PRKX: variants seen among roughly 807,000 people sequenced by gnomAD.
PRKX encodes the protein cAMP-dependent protein kinase catalytic subunit PRKX.
In PRKX, 12 loss-of-function variants were observed where a neutral mutation model predicts 22.0. The observed-to-expected ratio is 0.54, with a 90% CI of 0.35 to 0.88. The LOEUF (loss-of-function observed/expected upper bound fraction) is 0.88. Ranked by LOEUF, PRKX falls within the 40% of genes least tolerant of loss-of-function variation. The pLI, the probability that PRKX is intolerant of heterozygous loss-of-function variation, is 0.01. For missense variants in PRKX, 217 were observed against 308.0 expected, an observed-to-expected ratio of 0.70 and a Z score of 2.21; for synonymous variants, 134 against 137.7, an observed-to-expected ratio of 0.97 and a Z score of 0.19.
At chrX:3,620,148 G>C (rs1926524598) in intron 6 of PRKX, among the ~76,000 whole-genome samples, 1 of 111,552 alleles carries the variant, frequency 9.0e-6, no homozygotes, top group Non-Finnish European at 1.9e-5. Context: ...GTCCATGGCA[G>C]AACCATTCAC....
At chrX:3,705,725 C>T (rs1472362040) in intron 1 of PRKX, among the ~76,000 whole-genome samples, 4 of 104,845 alleles carry the variant, frequency 3.8e-5, no homozygotes, top group Admixed American at 3.1e-4. Flanking sequence ...CTTGCTCTGT[C>T]GCCCAGGCTG....
intron 4 of PRKX, among the ~76,000 whole-genome samples, chrX:3,640,188 A>T (rs1256962164): frequency 1.8e-5 from 2 of 108,987 alleles, no homozygotes. Context: ...AGAAAGAAGG[A>T]AACAGGAAAA....
chrX:3,650,772 G>A (rs1168818933), intron 3 of PRKX, among the ~76,000 whole-genome samples: 1 of 105,786 alleles, frequency 9.5e-6, no homozygotes, highest in Non-Finnish European at 1.9e-5. Flanking sequence ...CCAGCTACTT[G>A]GGAGGCTGAA....
intron 4 of PRKX, among the ~76,000 whole-genome samples, chrX:3,631,776 C>G (rs188403551): frequency 8.9e-6 from 1 of 111,988 alleles, no homozygotes; most frequent in East Asian, 2.8e-4. Context: ...TGGCCACAAG[C>G]CCAGGGATGC....
At chrX:3,704,374 CATAGGTCAGGCA>C (rs1928640891) in intron 1 of PRKX, among the ~76,000 whole-genome samples, 1 of 112,049 alleles carries the variant, frequency 8.9e-6, no homozygotes, top group Admixed American at 9.5e-5. Flanking sequence ...TTCTAAAGTA[CATAGGTCAGGCA>C]GGGCGTGGTG....
intron 1 of PRKX, among the ~76,000 whole-genome samples, chrX:3,689,215 T>TC (rs1229459134): frequency 1.8e-5 from 2 of 112,343 alleles, no homozygotes; most frequent in Non-Finnish European, 3.8e-5. Flanking sequence ...CTTGACATTT[T>TC]CCCCCCTGGG....
At chrX:3,628,436 G>A (rs1926704752) in intron 4 of PRKX, among the ~76,000 whole-genome samples, 1 of 111,518 alleles carries the variant, frequency 9.0e-6, no homozygotes, top group African/African-American at 3.3e-5. Context: ...TAATTGAAAT[G>A]GATATGCTAA....
intron 6 of PRKX, 133 bp from the exon 7 acceptor site, chrX:3,616,025 G>A (rs1457944009): frequency 3.2e-5 from 18 of 557,890 alleles, no homozygotes; most frequent in Non-Finnish European, 5.2e-5. Flanking sequence ...TTGGAGAACT[G>A]TGCCTGGAGG....
chrX:3,673,081 G>A (rs112561637), intron 2 of PRKX, among the ~76,000 whole-genome samples: 2,071 of 111,517 alleles, frequency 0.019, 42 homozygotes, highest in African/African-American at 0.064. Context: ...CGGAGCTTAG[G>A]CAGCATTGGG....
intron 2 of PRKX, among the ~76,000 whole-genome samples, chrX:3,665,328 T>C (rs865973663): frequency 4.5e-5 from 5 of 110,610 alleles, no homozygotes; most frequent in African/African-American, 6.6e-5. Flanking sequence ...AGTACAAAAT[T>C]AGCTGGGGGT....
At chrX:3,634,165 G>T (rs1235616816) in intron 4 of PRKX, among the ~76,000 whole-genome samples, 1 of 110,856 alleles carries the variant, frequency 9.0e-6, no homozygotes, top group African/African-American at 3.3e-5. Flanking sequence ...CAGGAGAATT[G>T]CTTGAACCCA....
chrX:3,648,449 G>C (rs1340842995), intron 3 of PRKX, among the ~76,000 whole-genome samples: 1 of 109,425 alleles, frequency 9.1e-6, no homozygotes, highest in African/African-American at 3.3e-5. Context: ...TTTTTAAAGG[G>C]AGTTATCTGT....
At chrX:3,623,221 AT>A (rs1196348321) in intron 5 of PRKX, among the ~76,000 whole-genome samples, 3 of 105,660 alleles carry the variant, frequency 2.8e-5, no homozygotes, top group Non-Finnish European at 5.8e-5. Flanking sequence ...ATGACCTTGA[AT>A]TTTTTTTTAA....
chrX:3,703,612 G>A (rs1209137385), intron 1 of PRKX, among the ~76,000 whole-genome samples: 2 of 109,674 alleles, frequency 1.8e-5, no homozygotes, highest in Admixed American at 1.9e-4. Flanking sequence ...CTGCCATCAT[G>A]GGAGAATTGC....
intron 1 of PRKX, among the ~76,000 whole-genome samples, chrX:3,687,732 G>A (rs1342052604): frequency 1.8e-5 from 2 of 109,518 alleles, no homozygotes; most frequent in African/African-American, 6.6e-5. Context: ...GAAGGTGAGG[G>A]TGGATGAGCC....
At position 3,655,560 on chromosome X, in the gene PRKX, G is replaced by A. The variant is rs375338545; in HGVS notation, c.336-148C>T. The A allele has an allele frequency of 1.6e-5, 10 of 630,296 alleles. No individual in the cohort carries two copies. The African/African-American group carries it at 2.0e-4, about 13-fold the overall frequency. The allele number at this position is 630,296 out of a possible 1,213,427, so 51.9% of individuals were successfully genotyped here. A position where few individuals can be genotyped will look rare whatever the true frequency, so the allele number is the denominator to read the frequency against. On this transcript the variant is annotated intron_variant, in intron 2 of 8. Coordinates refer to ENST00000262848, the MANE Select transcript of PRKX (RefSeq NM_005044.5). ...TAGCTGGGGACAGATGTCGGGACATGGAGCACACAGATATCAGCACATGGG... is the reference window on the plus strand; with the variant it reads ...TAGCTGGGGACAGATGTCGGGACATAGAGCACACAGATATCAGCACATGGG...
At chrX:3,625,457 C>T (rs772983403) in intron 5 of PRKX, among the ~76,000 whole-genome samples, 14 of 112,475 alleles carry the variant, frequency 1.2e-4, no homozygotes, top group Non-Finnish European at 2.6e-4. Flanking sequence ...GCCCAGGGGG[C>T]TGGTGCACCC....
intron 4 of PRKX, among the ~76,000 whole-genome samples, chrX:3,638,195 C>T (rs1926934548): frequency 2.7e-5 from 3 of 111,055 alleles, no homozygotes; most frequent in South Asian, 3.8e-4. Flanking sequence ...TTATATAATT[C>T]GAATACAGTC....
At chrX:3,652,154 C>T (rs1282842166) in intron 3 of PRKX, among the ~76,000 whole-genome samples, 2 of 110,714 alleles carry the variant, frequency 1.8e-5, no homozygotes, top group Non-Finnish European at 1.9e-5. Flanking sequence ...TGCGGTGGCT[C>T]ACACCTGTAA....
Sources: allele counts gnomAD v4.1 joint callset (sites outside exome capture counted in the v4.1 genomes callset), GRCh38; gene constraint gnomAD v4.1.1; transcripts MANE v1.5; gene names NCBI Gene and HGNC (gene_info 2026-07-23, HGNC 2026-07-21).